Variants in COL15A1 observed in about 807,000 individuals in gnomAD.
COL15A1 encodes collagen type XV alpha 1 chain, also known as collagen alpha-1(XV) chain.
A neutral mutation model predicts 165.9 loss-of-function variants in COL15A1; 111 were observed. The observed-to-expected ratio is 0.67, with a 90% confidence interval of 0.57 to 0.78. COL15A1 has a LOEUF of 0.78. COL15A1 is among the 30% of genes least tolerant of loss of function. The probability of loss-of-function intolerance (pLI) is 0.00; values close to 1 mark genes in which losing one functional copy is unlikely to be tolerated. For missense variants in COL15A1, 1,745 were observed against 1,789.7 expected, an observed-to-expected ratio of 0.98 and a Z score of 0.45; for synonymous variants, 659 against 674.8, an observed-to-expected ratio of 0.98 and a Z score of 0.36.
intron 16 of COL15A1, among the ~76,000 whole-genome samples, chr9:99,029,650 A>G (rs1387315621): frequency 6.6e-6 from 1 of 152,280 alleles, no homozygotes; most frequent in African/African-American, 2.4e-5. Flanking sequence ...ATGGCTGGGT[A>G]CGGTGGCTCA....
At chr9:99,048,348 C>G (rs1420244321) in intron 28 of COL15A1, among the ~76,000 whole-genome samples, 1 of 152,060 alleles carries the variant, frequency 6.6e-6, no homozygotes, top group Non-Finnish European at 1.5e-5. Flanking sequence ...AGGGATCACT[C>G]ACATCACTAG....
chr9:99,020,076 A>G (rs989985441), intron 11 of COL15A1, among the ~76,000 whole-genome samples: 1 of 152,258 alleles, frequency 6.6e-6, no homozygotes, highest in Non-Finnish European at 1.5e-5. Flanking sequence ...ATGAAGTAAT[A>G]TATTTAAAAA....
intron 2 of COL15A1, among the ~76,000 whole-genome samples, chr9:98,963,190 G>A (rs1031964979): frequency 6.6e-6 from 1 of 152,184 alleles, no homozygotes; most frequent in Non-Finnish European, 1.5e-5. Flanking sequence ...CATAGCGTAG[G>A]CTCCTTGTGT....
At chr9:98,999,950 A>T (rs1838620088) in intron 6 of COL15A1, among the ~76,000 whole-genome samples, 1 of 150,684 alleles carries the variant, frequency 6.6e-6, no homozygotes, top group Admixed American at 6.6e-5. Flanking sequence ...TGCCCACTGC[A>T]ACCTCTGCCT....
At chr9:98,960,741 G>T (rs146330263) in intron 2 of COL15A1, among the ~76,000 whole-genome samples, 46 of 152,342 alleles carry the variant, frequency 3.0e-4, no homozygotes, top group African/African-American at 1.1e-3. Flanking sequence ...AACGCCCCAA[G>T]CTCTTAGCAC....
At chr9:98,944,103 C>T (rs748380307) in intron 1 of COL15A1, 31 bp downstream of exon 1, 2 of 1,614,140 alleles carry the variant, frequency 1.2e-6, no homozygotes, top group South Asian at 1.1e-5. Flanking sequence ...TCCTCGCGTC[C>T]CGGGCCCCTC....
intron 21 of COL15A1, 62 bp from the exon 22 acceptor site, chr9:99,038,606 C>A: frequency 9.6e-7 from 1 of 1,042,316 alleles, no homozygotes; most frequent in Non-Finnish European, 1.5e-6. Flanking sequence ...AGCTTTGCTG[C>A]CAGGAACAAG....
At position 99,056,281 on chromosome 9, in the gene COL15A1, G is replaced by C. The variant is rs778768993; in HGVS notation, c.3214G>C (p.Val1072Leu). ...GPAGQKGETV[V>L]GPQGPPGAPG... ...ACAGGGCCAAAAAGGGGAGACAGTC[G>C]TTGGGCCCCAAGGACCCCCAGGTGC... is the stretch of plus-strand genomic sequence containing the variant. Residue 1072 changes from valine to leucine, a missense_variant, in exon 35 of 42, where the codon GTT (valine) becomes CTT (leucine). Transcript: ENST00000375001. 1.9e-6 allele frequency: 3 copies of C among 1,614,154 alleles called. No homozygotes were observed. The highest frequency in any genetic ancestry group is 2.2e-5 in the East Asian group (1 of 44,876).
intron 4 of COL15A1, among the ~76,000 whole-genome samples, 147 bp from the exon 5 acceptor site, chr9:98,989,023 GACACACAC>G (rs67974914): frequency 0.015 from 2,120 of 144,370 alleles, 43 homozygotes; most frequent in African/African-American, 0.049. Flanking sequence ...GTCTCTCATA[GACACACAC>G]ACACACACAC....
intron 2 of COL15A1, among the ~76,000 whole-genome samples, chr9:98,951,234 G>A (rs9644955): frequency 1.3e-5 from 2 of 152,184 alleles, no homozygotes; most frequent in Non-Finnish European, 2.9e-5. Context: ...GACATCTTCA[G>A]ACAAATGGCC....
intron 2 of COL15A1, among the ~76,000 whole-genome samples, chr9:98,954,070 G>A (rs926299371): frequency 6.6e-6 from 1 of 152,218 alleles, no homozygotes; most frequent in African/African-American, 2.4e-5. Flanking sequence ...ACAGTGCGCA[G>A]AAGCTGGCTT....
chr9:99,056,495 C>A (rs949432084), intron 35 of COL15A1, 91 bp downstream of exon 35: 4 of 1,476,656 alleles, frequency 2.7e-6, no homozygotes, highest in Non-Finnish European at 3.6e-6. Flanking sequence ...AGCTGCACTG[C>A]CTAACAGAGG....
At chr9:98,998,045 A>G (rs570185429) in intron 6 of COL15A1, among the ~76,000 whole-genome samples, 49 of 152,304 alleles carry the variant, frequency 3.2e-4, no homozygotes, top group African/African-American at 1.0e-3. Flanking sequence ...GGTATATTCC[A>G]CCAAAAAAGC....
In COL15A1 at chr9:99,052,399, T is replaced by C; in HGVS notation, c.2916T>C (p.Ala972=). 6.2e-7 allele frequency: 1 copy of C among 1,612,640 alleles called. No individual in the cohort carries two copies. Among genetic ancestry groups the C allele is most frequent in the South Asian group, 1.1e-5 (1 of 91,038 alleles). ...RPHCKMPVDT[A]HPGSPELITF... ...TCCTCTCTTTCCAGGTTGATACTGC[T>C]CATCCTGGGAGTCCAGAGCTCATCA... Residue 972 remains alanine (A), a synonymous_variant, in exon 31 of 42, where the codon GCT becomes GCC. Transcript: ENST00000375001.
intron 40 of COL15A1, among the ~76,000 whole-genome samples, chr9:99,067,350 A>G (rs1825912595): frequency 6.6e-6 from 1 of 152,196 alleles, no homozygotes; most frequent in Non-Finnish European, 1.5e-5. Context: ...CTTAATAGGG[A>G]CTTCTAATAA....
At chr9:99,034,633 T>TCCA in intron 17 of COL15A1, 49 bp downstream of exon 17, 1 of 1,275,108 alleles carries the variant, frequency 7.8e-7, no homozygotes, top group Non-Finnish European at 1.0e-6. Context: ...TTCTCCCTCC[T>TCCA]CCCCTTTCTT....
Position 99,012,408 on chromosome 9 carries a change from C to A in COL15A1, c.1354-3009C>A, listed in dbSNP as rs957180813. ...ACACATTGTCCTGCAGAAACAATAA[C>A]AAAAATAAATGTCTGGATGCAAACA... On this transcript the variant is annotated intron_variant, in intron 9 of 41. Coordinates refer to ENST00000375001, the MANE Select transcript of COL15A1 (RefSeq NM_001855.5). Among the ~76,000 whole-genome samples the A allele has an allele frequency of 2.6e-5, 4 of 152,096 alleles. No individual in the cohort carries two copies. In the South Asian group the frequency reaches 8.3e-4, roughly 31 times the overall value.
chr9:99,037,693 G>A (rs1839326378), intron 21 of COL15A1, among the ~76,000 whole-genome samples: 1 of 152,204 alleles, frequency 6.6e-6, no homozygotes, highest in South Asian at 2.1e-4. Flanking sequence ...ACATAAAGAG[G>A]GGAACAAGGG....
intron 9 of COL15A1, among the ~76,000 whole-genome samples, chr9:99,012,204 C>T (rs1455253771): frequency 1.3e-5 from 2 of 152,204 alleles, no homozygotes; most frequent in East Asian, 3.8e-4. Context: ...GTCGTGTGAA[C>T]TTGAAAAGCA....
Sources: gnomAD v4.1 joint callset for allele counts (sites outside exome capture counted in the v4.1 genomes callset) on GRCh38, gnomAD v4.1.1 for gene constraint, MANE v1.5 for transcripts, NCBI Gene and HGNC (gene_info 2026-07-23, HGNC 2026-07-21) for gene names.